The following DIAPH2 variants were observed in gnomAD, a reference collection of about 807,000 sequenced individuals.
DIAPH2 encodes the protein protein diaphanous homolog 2.
In DIAPH2, 35 loss-of-function variants were observed where a neutral mutation model predicts 92.7. The ratio of observed to expected loss-of-function variants is 0.38; its 90% CI spans 0.29 to 0.50. The LOEUF (loss-of-function observed/expected upper bound fraction) is 0.50. DIAPH2 is among the 20% of genes least tolerant of loss of function. The probability of loss-of-function intolerance (pLI) is 0.94; values close to 1 mark genes in which losing one functional copy is unlikely to be tolerated. For missense variants in DIAPH2, 701 were observed against 819.5 expected, an observed-to-expected ratio of 0.86 and a Z score of 1.77; for synonymous variants, 301 against 280.4, an observed-to-expected ratio of 1.07 and a Z score of -0.73.
At chrX:97,163,092 A>C (rs894525099) in intron 22 of DIAPH2, among the ~76,000 whole-genome samples, 7 of 111,360 alleles carry the variant, frequency 6.3e-5, no homozygotes, top group Admixed American at 2.9e-4. Flanking sequence ...GAGGTACCAT[A>C]TGGGATGGTT....
At chrX:97,125,207 G>A (rs968144733) in intron 21 of DIAPH2, among the ~76,000 whole-genome samples, 38 of 111,144 alleles carry the variant, frequency 3.4e-4, no homozygotes, top group African/African-American at 1.2e-3. Flanking sequence ...GGGCGCGGTG[G>A]CTCACGCCTG....
intron 20 of DIAPH2, among the ~76,000 whole-genome samples, chrX:97,101,687 A>G (rs1319109869): frequency 8.9e-6 from 1 of 112,450 alleles, no homozygotes; most frequent in Non-Finnish European, 1.9e-5. Context: ...TGCAGTGTTT[A>G]GAACAATATC....
intron 26 of DIAPH2, among the ~76,000 whole-genome samples, chrX:97,468,397 C>G (rs1413221710): frequency 9.0e-6 from 1 of 111,540 alleles, no homozygotes; most frequent in Non-Finnish European, 1.9e-5. Context: ...AGAAGGTGCT[C>G]AGATGTTTAT....
chrX:97,363,023 C>T (rs1417917462), intron 24 of DIAPH2, among the ~76,000 whole-genome samples: 1 of 112,388 alleles, frequency 8.9e-6, no homozygotes, highest in Non-Finnish European at 1.9e-5. Flanking sequence ...TTTCATCAGC[C>T]ATGTATCCTT....
chrX:97,228,735 A>G (rs962974939), intron 22 of DIAPH2, among the ~76,000 whole-genome samples: 3 of 112,055 alleles, frequency 2.7e-5, no homozygotes, highest in Admixed American at 1.9e-4. Context: ...ACTAGTAACA[A>G]TTTGTAAAGA....
At chrX:97,210,814 A>G (rs1406775748) in intron 22 of DIAPH2, among the ~76,000 whole-genome samples, 1 of 111,916 alleles carries the variant, frequency 8.9e-6, no homozygotes, top group Non-Finnish European at 1.9e-5. Flanking sequence ...TACCCGCTTC[A>G]TTAAGCATGA....
At chrX:97,316,696 A>C (rs976475834) in intron 23 of DIAPH2, among the ~76,000 whole-genome samples, 1 of 111,654 alleles carries the variant, frequency 9.0e-6, no homozygotes, top group Non-Finnish European at 1.9e-5. Flanking sequence ...AGGCAGCATA[A>C]GCAATTTGAT....
chrX:97,091,301 A>G lies in DIAPH2; in HGVS notation c.2248-8393A>G, dbSNP rs774824369. Reference sequence around the variant, plus strand: ...ATTTTAATTTATTATAATTATTTTTAGAGACAGGGTCTCACTCAGTTGCCT... The same window carrying G: ...ATTTTAATTTATTATAATTATTTTTGGAGACAGGGTCTCACTCAGTTGCCT... On this transcript the variant is annotated intron_variant, in intron 19 of 26. Transcript: ENST00000324765. Among the ~76,000 whole-genome samples the G allele has an allele frequency of 3.6e-5, 4 of 110,886 alleles. No individual in the cohort carries two copies. In the East Asian group the frequency reaches 1.1e-3, roughly 31 times the overall value.
chrX:97,505,116 C>T (rs2070823415), intron 26 of DIAPH2, among the ~76,000 whole-genome samples: 1 of 112,309 alleles, frequency 8.9e-6, no homozygotes, highest in African/African-American at 3.2e-5. Flanking sequence ...AATTATGTCT[C>T]TAAAATTCTC....
intron 4 of DIAPH2, among the ~76,000 whole-genome samples, chrX:96,770,514 A>T (rs187170440): frequency 9.0e-6 from 1 of 111,655 alleles, no homozygotes; most frequent in Non-Finnish European, 1.9e-5. Flanking sequence ...TGTAGTCCAG[A>T]AGGGGGAGAC....
intron 23 of DIAPH2, among the ~76,000 whole-genome samples, chrX:97,347,629 C>T (rs1175595215): frequency 1.8e-5 from 2 of 111,196 alleles, no homozygotes; most frequent in East Asian, 2.8e-4. Context: ...CTTCAAGTCT[C>T]ACTAACCAAT....
intron 1 of DIAPH2, among the ~76,000 whole-genome samples, chrX:96,712,723 C>G (rs1353624315): frequency 1.8e-5 from 2 of 111,293 alleles, no homozygotes. Context: ...TTTACATAAT[C>G]TATGAAGAAT....
In DIAPH2 at chrX:97,322,584, A is replaced by G. The variant is rs771310015; in HGVS notation, c.2845-25532A>G. On this transcript the variant is annotated intron_variant, in intron 23 of 26. Transcript: ENST00000324765. ...TGAAGGCATACACAAAGAAAACACC[A>G]GAAACCATAGCTGACTCTTAGTCAC... is the stretch of plus-strand genomic sequence containing the variant. 3.6e-5 allele frequency among the ~76,000 whole-genome samples: 4 copies of G among 111,751 alleles called. No individual in the cohort carries two copies. The Admixed American group carries it at 3.8e-4, about 11-fold the overall frequency.
At chrX:96,731,794 T>G (rs767639164) in intron 1 of DIAPH2, among the ~76,000 whole-genome samples, 1 of 111,625 alleles carries the variant, frequency 9.0e-6, no homozygotes, top group South Asian at 3.7e-4. Flanking sequence ...TGATCATAAA[T>G]GAAGTTTAAT....
chrX:97,423,664 A>G (rs1366148077), intron 25 of DIAPH2, among the ~76,000 whole-genome samples: 1 of 111,689 alleles, frequency 9.0e-6, no homozygotes, highest in Non-Finnish European at 1.9e-5. Flanking sequence ...CCTTAGTAAT[A>G]TCTGTGACTT....
intron 23 of DIAPH2, among the ~76,000 whole-genome samples, chrX:97,296,217 G>A (rs1161462890): frequency 9.0e-6 from 1 of 111,276 alleles, no homozygotes; most frequent in Non-Finnish European, 1.9e-5. Context: ...GCATGGCTAG[G>A]TGTATTTAGC....
Position 97,348,131 on chromosome X carries a change from G to A in DIAPH2, c.2860G>A (p.Ala954Thr), listed in dbSNP as rs761740921. The change falls in exon 24 of 27, where the codon GCC becomes ACC. Residue 954 changes from alanine to threonine, a missense_variant. By Grantham distance (58) the Ala-to-Thr change is moderately conservative. Coordinates refer to ENST00000324765, the MANE Select transcript of DIAPH2 (RefSeq NM_006729.5). ...AAAAAGCTACAGCTTTACAAAGACT[G>A]CCCGAGAACAGTATGAAAAACTCTC... The part of the protein sequence containing the change: ...VEKMTSFTKT[A>T]REQYEKLSTM... The A allele has an allele frequency of 2.5e-6, 3 of 1,210,926 alleles. No homozygotes were observed. Among genetic ancestry groups the A allele is most frequent in the Non-Finnish European group, 3.4e-6 (3 of 895,179 alleles).
chrX:96,841,007 A>G (rs767221851), intron 4 of DIAPH2, among the ~76,000 whole-genome samples: 107 of 111,391 alleles, frequency 9.6e-4, no homozygotes, highest in African/African-American at 3.3e-3. Flanking sequence ...TGTTGATGCT[A>G]TTTCTCTTAT....
rs2067843679 is a variant in DIAPH2 at position 97,211,913 on chromosome X, G to T, written c.2720-35802G>T. ...ACTTTGAAGATTGCCCTTGTGTACA[G>T]GGTTAATGTCAGATTTTTAGTATTA... is the stretch of plus-strand genomic sequence containing the variant. On this transcript the variant is annotated intron_variant, in intron 22 of 26. Transcript: ENST00000324765. Among the ~76,000 whole-genome samples the T allele has an allele frequency of 4.5e-5, 5 of 111,428 alleles. No homozygotes were observed. In the Admixed American group the frequency reaches 4.8e-4, roughly 11 times the overall value.
Sources: allele counts gnomAD v4.1 joint callset (sites outside exome capture counted in the v4.1 genomes callset), GRCh38; gene constraint gnomAD v4.1.1; transcripts MANE v1.5; gene names NCBI Gene and HGNC (gene_info 2026-07-23, HGNC 2026-07-21).